Variants in EPYC observed in about 807,000 individuals in gnomAD.
The protein encoded by EPYC is dermatan sulfate proteoglycan 3.
EPYC carries 28 observed loss-of-function variants against 30.1 expected under a neutral mutation model. That is an observed-to-expected ratio of 0.93 (90% confidence interval 0.69 to 1.28). The LOEUF (loss-of-function observed/expected upper bound fraction) is 1.28, where lower values mean the gene tolerates loss of function less well. EPYC is among the 50% of genes most tolerant of loss of function. The pLI is 0.00. For missense variants in EPYC, 382 were observed against 383.5 expected, an observed-to-expected ratio of 1.00 and a Z score of 0.03; for synonymous variants, 144 against 141.4, an observed-to-expected ratio of 1.02 and a Z score of -0.13.
chr12:90,978,182 C>T lies in EPYC; in HGVS notation c.246G>A (p.Glu82=). The T allele has an allele frequency of 1.2e-6, 2 of 1,607,252 alleles. No homozygotes were observed. Among genetic ancestry groups the T allele is most frequent in the Non-Finnish European group, 1.7e-6 (2 of 1,176,914 alleles). The part of the protein sequence containing the change: ...PPPQPEKAQE[E]EEEEESTPRL... ...TGGGAGTAGATTCCTCCTCCTCTTC[C>T]TCTTCCTGGGCCTTCTCAGGCTGTG... Residue 82 remains glutamate (E), a synonymous_variant, in exon 3 of 7, where the codon GAG becomes GAA. Coordinates refer to ENST00000261172, the MANE Select transcript of EPYC (RefSeq NM_004950.5).
intron 3 of EPYC, among the ~76,000 whole-genome samples, chr12:90,977,317 C>T (rs996937299): frequency 7.2e-5 from 11 of 152,120 alleles, no homozygotes; most frequent in Non-Finnish European, 1.5e-4. Context: ...ACAAGAAATA[C>T]GGACATATTA....
At chr12:90,967,391 C>T (rs909598851) in intron 6 of EPYC, among the ~76,000 whole-genome samples, 2 of 151,784 alleles carry the variant, frequency 1.3e-5, no homozygotes, top group Non-Finnish European at 2.9e-5. Context: ...TTCATATCCA[C>T]GTATTTGTGA....
intron 2 of EPYC, among the ~76,000 whole-genome samples, chr12:90,984,944 G>A (rs1049475898): frequency 1.3e-5 from 2 of 152,172 alleles, no homozygotes; most frequent in Non-Finnish European, 2.9e-5. Context: ...AGATGATCCT[G>A]ATAGGTATAT....
chr12:90,974,016 T>G (rs1877117088), intron 3 of EPYC, among the ~76,000 whole-genome samples: 1 of 145,972 alleles, frequency 6.9e-6, no homozygotes, highest in Non-Finnish European at 1.5e-5. Flanking sequence ...ATACTGATTT[T>G]TCTTTTCTGT....
chr12:90,998,683 T>TAA (rs1403610311), intron 2 of EPYC, among the ~76,000 whole-genome samples: 3 of 152,144 alleles, frequency 2.0e-5, no homozygotes, highest in Non-Finnish European at 4.4e-5. Context: ...GATTTTCAGA[T>TAA]AAAAAACTTT....
intron 3 of EPYC, among the ~76,000 whole-genome samples, chr12:90,974,638 CAG>C (rs1305243221): frequency 3.3e-5 from 5 of 152,038 alleles, no homozygotes; most frequent in Non-Finnish European, 5.9e-5. Flanking sequence ...TGTGGAAGGA[CAG>C]AGTGTCTTTG....
At chr12:90,987,905 C>G (rs1877490994) in intron 2 of EPYC, among the ~76,000 whole-genome samples, 1 of 152,110 alleles carries the variant, frequency 6.6e-6, no homozygotes, top group Non-Finnish European at 1.5e-5. Context: ...TCTATAGCCT[C>G]TTTATCTCGG....
At chr12:90,981,561 T>TAA (rs1333945447) in intron 2 of EPYC, among the ~76,000 whole-genome samples, 1 of 152,168 alleles carries the variant, frequency 6.6e-6, no homozygotes, top group African/African-American at 2.4e-5. Flanking sequence ...TGGTTTACAA[T>TAA]AATTTTGATG....
chr12:90,970,013 C>T (rs778721329), intron 6 of EPYC, 31 bp downstream of exon 6: 3 of 1,538,726 alleles, frequency 1.9e-6, no homozygotes, highest in Non-Finnish European at 2.7e-6. Context: ...TCTCTGAAGC[C>T]CTTGGGCGCA....
chr12:90,972,604 A>G (rs1028102388), intron 4 of EPYC: 1 of 403,178 alleles, frequency 2.5e-6, no homozygotes, highest in African/African-American at 2.0e-5. Context: ...TGCTCATTTG[A>G]AAACATCACC....
At chr12:90,977,734 A>T (rs1415041798) in intron 3 of EPYC, among the ~76,000 whole-genome samples, 1 of 152,074 alleles carries the variant, frequency 6.6e-6, no homozygotes, top group Admixed American at 6.6e-5. Flanking sequence ...CATCCTCATC[A>T]TCTCTTATCC....
intron 4 of EPYC, among the ~76,000 whole-genome samples, chr12:90,972,304 G>A (rs1877072976): frequency 6.6e-6 from 1 of 152,090 alleles, no homozygotes; most frequent in Non-Finnish European, 1.5e-5. Context: ...GATAAAGACT[G>A]TTGTGTTTTC....
intron 1 of EPYC, among the ~76,000 whole-genome samples, chr12:91,004,533 C>A (rs1439556707): frequency 6.6e-6 from 1 of 151,932 alleles, no homozygotes; most frequent in Non-Finnish European, 1.5e-5. Flanking sequence ...ATTTTAAATG[C>A]ATAATGTCAT....
rs755572173 is a variant in EPYC at position 90,971,805 on chromosome 12, A to G, written c.697T>C (p.Phe233Leu). 1.3e-6 allele frequency: 2 copies of G among 1,575,700 alleles called. No individual in the cohort carries two copies. The highest frequency in any genetic ancestry group is 8.6e-7 in the Non-Finnish European group (1 of 1,163,130). Residue 233 changes from phenylalanine (F) to leucine (L), a missense_variant, in exon 5 of 7, where the codon TTT (phenylalanine) becomes CTT (leucine). Phe to Leu is a conservative substitution (Grantham distance 22, BLOSUM62 0). Coordinates refer to ENST00000261172, the MANE Select transcript of EPYC (RefSeq NM_004950.5). ...ATATCAAACTTAAAACTTACTTTAA[A>G]TGCTTCTTGCTTTATCCCTTTCCTT... is the stretch of plus-strand genomic sequence containing the variant. ...LGRKGIKQEA[F>L]KDMYDLHHLY...
intron 2 of EPYC, among the ~76,000 whole-genome samples, chr12:90,984,864 C>T (rs1396539817): frequency 2.6e-5 from 4 of 152,086 alleles, no homozygotes; most frequent in Admixed American, 1.3e-4. Flanking sequence ...GAATTTGGCC[C>T]AACCCAGGTA....
intron 2 of EPYC, among the ~76,000 whole-genome samples, chr12:90,995,938 T>C (rs1877684191): frequency 6.6e-6 from 1 of 151,934 alleles, no homozygotes; most frequent in Non-Finnish European, 1.5e-5. Flanking sequence ...ATTTTTCACG[T>C]ACTCTGGAAA....
At chr12:90,976,743 C>T (rs1259103108) in intron 3 of EPYC, among the ~76,000 whole-genome samples, 1 of 152,062 alleles carries the variant, frequency 6.6e-6, no homozygotes, top group East Asian at 1.9e-4. Flanking sequence ...TCCCATAATT[C>T]CCACATGTTG....
chr12:90,977,983 T>C, intron 3 of EPYC, 105 bp downstream of exon 3: 1 of 1,063,198 alleles, frequency 9.4e-7, no homozygotes, highest in Non-Finnish European at 1.3e-6. Flanking sequence ...ATTCCAAAAC[T>C]TTTTTCTTGG....
At position 90,971,921 on chromosome 12, in the gene EPYC, C is replaced by T. The variant is rs1183549045; in HGVS notation, c.581G>A (p.Arg194Gln). ...TTTGTTGTCACGCAGGACAAGCTCTCGAAGTTGAGGCAGTTTTCGGAATGC... is the reference window on the plus strand; with the variant it reads ...TTTGTTGTCACGCAGGACAAGCTCTTGAAGTTGAGGCAGTTTTCGGAATGC... ...EDAFRKLPQL[R>Q]ELVLRDNKIR... Residue 194 changes from arginine to glutamine, a missense_variant, in exon 5 of 7, where the codon CGA (arginine) becomes CAA (glutamine). By Grantham distance (43) the Arg-to-Gln change is conservative. Coordinates refer to ENST00000261172, the MANE Select transcript of EPYC (RefSeq NM_004950.5). The T allele has an allele frequency of 4.2e-5, 67 of 1,611,660 alleles. No homozygotes were observed. Among genetic ancestry groups the T allele is most frequent in the Non-Finnish European group, 5.2e-5 (61 of 1,179,068 alleles).
Sources: gnomAD v4.1 joint callset for allele counts (sites outside exome capture counted in the v4.1 genomes callset) on GRCh38, gnomAD v4.1.1 for gene constraint, MANE v1.5 for transcripts, NCBI Gene and HGNC (gene_info 2026-07-23, HGNC 2026-07-21) for gene names.